The following LRP1B variants were observed in gnomAD, a reference collection of about 807,000 sequenced individuals.
The protein encoded by LRP1B is LDL receptor related protein 1B, also known as low-density lipoprotein receptor-related protein 1B.
A neutral mutation model predicts 556.6 loss-of-function variants in LRP1B; 217 were observed. The ratio of observed to expected loss-of-function variants is 0.39; its 90% CI spans 0.35 to 0.44. The LOEUF is 0.44. LRP1B is among the 20% of genes least tolerant of loss of function. The probability of loss-of-function intolerance (pLI) is 1.00; values close to 1 mark genes in which losing one functional copy is unlikely to be tolerated. For missense variants in LRP1B, 5,053 were observed against 5,620.8 expected (o/e 0.90, Z 3.23); for synonymous variants, 2,047 against 1,865.8 (o/e 1.10, Z -2.50).
At chr2:140,517,636 A>G (rs1388379863) in intron 49 of LRP1B, among the ~76,000 whole-genome samples, 1 of 150,954 alleles carries the variant, frequency 6.6e-6, no homozygotes, top group Non-Finnish European at 1.5e-5. Context: ...AATTATATAT[A>G]TTTTTTAAAT....
intron 3 of LRP1B, among the ~76,000 whole-genome samples, chr2:141,268,625 C>T (rs1264585841): frequency 6.6e-6 from 1 of 152,026 alleles, no homozygotes; most frequent in Non-Finnish European, 1.5e-5. Context: ...TACTTAACAC[C>T]CCTGAGAATA....
intron 43 of LRP1B, among the ~76,000 whole-genome samples, chr2:140,586,955 T>C (rs1682009364): frequency 6.6e-6 from 1 of 151,982 alleles, no homozygotes; most frequent in Non-Finnish European, 1.5e-5. Context: ...TAATAAAATT[T>C]TTTTAAAAAT....
chr2:140,672,261 C>T (rs1269655349), intron 41 of LRP1B, among the ~76,000 whole-genome samples: 3 of 151,886 alleles, frequency 2.0e-5, no homozygotes, highest in Admixed American at 6.6e-5. Context: ...GCCAAGGCGG[C>T]GGGTCACAAG....
At chr2:141,045,588 A>T (rs534883378) in intron 11 of LRP1B, among the ~76,000 whole-genome samples, 1 of 152,142 alleles carries the variant, frequency 6.6e-6, no homozygotes, top group South Asian at 2.1e-4. Context: ...TTTCTAGCAC[A>T]GTACCCTACT....
intron 1 of LRP1B, among the ~76,000 whole-genome samples, chr2:141,993,681 C>A (rs1217696748): frequency 6.6e-6 from 1 of 152,098 alleles, no homozygotes; most frequent in Non-Finnish European, 1.5e-5. Flanking sequence ...AGTGACTGGA[C>A]CATTATAAAG....
intron 3 of LRP1B, among the ~76,000 whole-genome samples, chr2:141,421,390 G>A (rs566044031): frequency 1.1e-4 from 16 of 151,144 alleles, no homozygotes; most frequent in Non-Finnish European, 2.1e-4. Flanking sequence ...TTAGCCGGGC[G>A]TAGTGGCGGG....
chr2:141,483,654 T>C (rs886287770), intron 2 of LRP1B, among the ~76,000 whole-genome samples: 2 of 151,972 alleles, frequency 1.3e-5, no homozygotes, highest in Non-Finnish European at 2.9e-5. Context: ...TGATTGCCAT[T>C]CTAACTGGTG....
chr2:140,671,259 G>A (rs919981747), intron 41 of LRP1B, among the ~76,000 whole-genome samples: 2 of 152,160 alleles, frequency 1.3e-5, no homozygotes, highest in Non-Finnish European at 2.9e-5. Context: ...GGTGGCTCAC[G>A]CCTGTAATCC....
In LRP1B at chr2:140,623,881, T is replaced by TGC. The variant is rs1683547669; in HGVS notation, c.6800-22244_6800-22243dup. On this transcript the variant is annotated intron_variant, in intron 41 of 90. Transcript: ENST00000389484. ...TTGCAGTGAGTCGAGATTCTGCCAC[T>TGC]GCACTCCAATCTGGGCAACACAGCG... Among the ~76,000 whole-genome samples, 4 of 149,368 alleles carry TGC rather than the reference T, an allele frequency of 2.7e-5. No homozygotes were observed. In the South Asian group the frequency reaches 8.5e-4, roughly 32 times the overall value.
At chr2:142,087,970 A>G (rs1368580629) in intron 1 of LRP1B, among the ~76,000 whole-genome samples, 3 of 152,194 alleles carry the variant, frequency 2.0e-5, no homozygotes, top group Non-Finnish European at 4.4e-5. Context: ...AAATATATTT[A>G]AATACACAAA....
At chr2:141,855,711 A>G (rs541006769) in intron 1 of LRP1B, among the ~76,000 whole-genome samples, 22 of 152,256 alleles carry the variant, frequency 1.4e-4, no homozygotes, top group Non-Finnish European at 1.5e-5. Flanking sequence ...GCAAAACCAC[A>G]TGGATATCAA....
intron 65 of LRP1B, 113 bp downstream of exon 65, chr2:140,444,217 A>T: frequency 8.8e-7 from 1 of 1,138,762 alleles, no homozygotes; most frequent in Non-Finnish European, 1.2e-6. Context: ...ATTTGACCAT[A>T]ATTTCTTTTC....
intron 1 of LRP1B, among the ~76,000 whole-genome samples, chr2:141,857,328 C>G (rs987778250): frequency 6.6e-6 from 1 of 151,640 alleles, no homozygotes; most frequent in African/African-American, 2.4e-5. Context: ...ACTCTTTTCC[C>G]TCTCCATTTT....
Position 141,285,254 on chromosome 2 carries a change from ATT to A in LRP1B, c.344-30615_344-30614del, listed in dbSNP as rs1302349989. ...GTGGCAAGCGCCACATGCCCGGCTAATTTTTTTTATTTTTAGTAGAGACAGGG... is the reference window on the plus strand; with the variant it reads ...GTGGCAAGCGCCACATGCCCGGCTAATTTTTTATTTTTAGTAGAGACAGGG... On this transcript the variant is annotated intron_variant, in intron 3 of 90. Coordinates refer to ENST00000389484, the MANE Select transcript of LRP1B (RefSeq NM_018557.3). Among the ~76,000 whole-genome samples the A allele has an allele frequency of 2.7e-5, 4 of 150,114 alleles. No homozygotes were observed. The East Asian group carries it at 8.0e-4, about 30-fold the overall frequency.
At chr2:141,930,897 A>C (rs1281471632) in intron 1 of LRP1B, among the ~76,000 whole-genome samples, 1 of 152,018 alleles carries the variant, frequency 6.6e-6, no homozygotes, top group Non-Finnish European at 1.5e-5. Flanking sequence ...TTTTCAAACT[A>C]CTTCTCATTA....
chr2:141,914,803 GA>G (rs1699989008), intron 1 of LRP1B, among the ~76,000 whole-genome samples: 1 of 152,060 alleles, frequency 6.6e-6, no homozygotes, highest in Admixed American at 6.6e-5. Flanking sequence ...AGTAAGTGAA[GA>G]TGTCTACAAG....
At chr2:141,537,052 A>G (rs533433115) in intron 2 of LRP1B, among the ~76,000 whole-genome samples, 1 of 152,174 alleles carries the variant, frequency 6.6e-6, no homozygotes, top group Admixed American at 6.6e-5. Context: ...GGAAACTAGT[A>G]AATGATTGTT....
chr2:141,001,540 A>G (rs991989296), intron 15 of LRP1B, among the ~76,000 whole-genome samples: 3 of 152,022 alleles, frequency 2.0e-5, no homozygotes, highest in Middle Eastern at 3.2e-3. Context: ...TCATTGTTCA[A>G]TTCCCACCTA....
At chr2:140,509,869 A>T (rs2104916177) in intron 52 of LRP1B, 59 bp downstream of exon 52, 1 of 1,573,986 alleles carries the variant, frequency 6.4e-7, no homozygotes. Context: ...TACAAAAACA[A>T]ATAACCAAGG....
Sources: gnomAD v4.1 joint callset for allele counts (sites outside exome capture counted in the v4.1 genomes callset) on GRCh38, gnomAD v4.1.1 for gene constraint, MANE v1.5 for transcripts, NCBI Gene and HGNC (gene_info 2026-07-23, HGNC 2026-07-21) for gene names.